BARX2: variants seen among roughly 807,000 people sequenced by gnomAD.
BARX2 encodes homeobox protein BarH-like 2.
BARX2 carries 11 observed loss-of-function variants against 25.5 expected under a neutral mutation model. That is an observed-to-expected ratio of 0.43 (90% CI 0.27 to 0.71). The LOEUF (loss-of-function observed/expected upper bound fraction) is 0.71, where lower values mean the gene tolerates loss of function less well. Ranked by LOEUF, BARX2 falls within the 30% of genes least tolerant of loss-of-function variation. The pLI is 0.19. For synonymous variants in BARX2, 137 were observed against 149.5 expected (o/e 0.92, Z 0.61); for missense variants, 360 against 359.9 (o/e 1.00, Z 0.00).
At chr11:129,419,299 CTTTG>C (rs60019749) in intron 1 of BARX2, among the ~76,000 whole-genome samples, 7,510 of 152,106 alleles carry the variant, frequency 0.049, 569 homozygotes, top group African/African-American at 0.17. Flanking sequence ...ATCTCTTGGC[CTTTG>C]TTTGGAAGTT....
At chr11:129,409,006 T>G (rs951697701) in intron 1 of BARX2, among the ~76,000 whole-genome samples, 32 of 152,152 alleles carry the variant, frequency 2.1e-4, no homozygotes, top group African/African-American at 5.3e-4. Context: ...GGGAGTGATA[T>G]TCACCATCCA....
At chr11:129,400,066 C>T (rs544587673) in intron 1 of BARX2, among the ~76,000 whole-genome samples, 2 of 152,258 alleles carry the variant, frequency 1.3e-5, no homozygotes, top group Admixed American at 6.5e-5. Flanking sequence ...AACCGTAGAC[C>T]TTTAGAGCCA....
chr11:129,413,691 A>T (rs1037890301), intron 1 of BARX2, among the ~76,000 whole-genome samples: 1 of 151,930 alleles, frequency 6.6e-6, no homozygotes, highest in Non-Finnish European at 1.5e-5. Context: ...AGGCGGGTGG[A>T]ACGGAAAATG....
chr11:129,380,621 A>G (rs764404261), intron 1 of BARX2, among the ~76,000 whole-genome samples: 2 of 152,188 alleles, frequency 1.3e-5, no homozygotes, highest in African/African-American at 4.8e-5. Flanking sequence ...CCAGAGGCAC[A>G]TAGGCTTTTA....
At position 129,436,930 on chromosome 11, in the gene BARX2, A is replaced by C. The variant is rs1293664774; in HGVS notation, c.367A>C (p.Thr123Pro). The C allele has an allele frequency of 1.9e-6, 3 of 1,613,716 alleles. No homozygotes were observed. The highest frequency in any genetic ancestry group is 2.5e-6 in the Non-Finnish European group (3 of 1,179,894). Residue 123 changes from threonine to proline, a missense_variant, in exon 2 of 4, where the codon ACG (threonine) becomes CCG (proline). By Grantham distance (38) the Thr-to-Pro change is conservative. Transcript: ENST00000281437. This position sits in a 1 kb window ranked among gnomAD's most constrained non-coding sequence, Gnocchi z 4.5. ...GEALASSESE[T>P]EQPTPRQKKP... is the part of the protein sequence containing the mutation. ...GGCCCTAGCCAGCAGCGAGTCAGAG[A>C]CGGAACAGCCCACGCCCCGACAGAA...
In BARX2 at chr11:129,376,288, C is replaced by T. The variant is rs182931331; in HGVS notation, c.187+66C>T. The T allele has an allele frequency of 7.1e-7, 1 of 1,405,196 alleles. No homozygotes were observed. The highest frequency in any genetic ancestry group is 2.7e-5 in the East Asian group (1 of 37,032). The allele number at this position is 1,405,196 out of a possible 1,614,324, so 87.0% of individuals were successfully genotyped here. A position where few individuals can be genotyped will look rare whatever the true frequency, so the allele number is the denominator to read the frequency against. On this transcript the variant is annotated intron_variant, in intron 1 of 3. Transcript: ENST00000281437. The surrounding 1 kb of genome is among the most constrained non-coding windows in gnomAD (Gnocchi z 4.2). Reference sequence around the variant, plus strand: ...TTCACGTCCGTGTAGGTGGCCTGTGCTTTGCGATCCGAGGGCGAGAGGAAG... The same window carrying T: ...TTCACGTCCGTGTAGGTGGCCTGTGTTTTGCGATCCGAGGGCGAGAGGAAG...
rs544955559 is a variant in BARX2 at position 129,451,001 on chromosome 11, A to T, written c.574-135A>T. ...TGTAGACCAGAGGTGATGGGTTGAGAATATATTTTGCCAAATCCTGCAATT... is the reference window on the plus strand; with the variant it reads ...TGTAGACCAGAGGTGATGGGTTGAGTATATATTTTGCCAAATCCTGCAATT... On this transcript the variant is annotated intron_variant, in intron 3 of 3. Transcript: ENST00000281437. 13 of 1,045,430 alleles carry T rather than the reference A, an allele frequency of 1.2e-5. No individual in the cohort carries two copies. In the South Asian group the frequency reaches 2.1e-4, roughly 17 times the overall value. The allele number at this position is 1,045,430 out of a possible 1,614,324, so 64.8% of individuals were successfully genotyped here. A position where few individuals can be genotyped will look rare whatever the true frequency, so the allele number is the denominator to read the frequency against.
intron 1 of BARX2, among the ~76,000 whole-genome samples, chr11:129,382,548 C>A (rs912331656): frequency 6.6e-6 from 1 of 152,192 alleles, no homozygotes; most frequent in Non-Finnish European, 1.5e-5. Context: ...CCTTGCCACA[C>A]GTCCTGCCCA....
chr11:129,404,093 T>A (rs1193871262), intron 1 of BARX2, among the ~76,000 whole-genome samples: 3 of 152,228 alleles, frequency 2.0e-5, no homozygotes, highest in African/African-American at 7.2e-5. Flanking sequence ...TGTCCTGAAA[T>A]TTTCAACAAG....
At chr11:129,399,501 G>C (rs1555135136) in intron 1 of BARX2, among the ~76,000 whole-genome samples, 1 of 152,138 alleles carries the variant, frequency 6.6e-6, no homozygotes, top group Non-Finnish European at 1.5e-5. Context: ...AGCTAGGATT[G>C]ACACAGGACA....
chr11:129,376,252 G>A lies in BARX2; in HGVS notation c.187+30G>A, dbSNP rs1234779755. On this transcript the variant is annotated intron_variant, in intron 1 of 3. Transcript: ENST00000281437. The surrounding 1 kb of genome is among the most constrained non-coding windows in gnomAD (Gnocchi z 4.2). ...GACGCTCCGCTAGGGGATAAGTGGGGTTCGGTAGCTTTCACGTCCGTGTAG... is the reference window on the plus strand; with the variant it reads ...GACGCTCCGCTAGGGGATAAGTGGGATTCGGTAGCTTTCACGTCCGTGTAG... 1.9e-6 allele frequency: 3 copies of A among 1,571,728 alleles called. No homozygotes were observed. In the Admixed American group the frequency reaches 5.4e-5, roughly 28 times the overall value.
In BARX2 at chr11:129,390,846, T is replaced by A. The variant is rs79376211; in HGVS notation, c.187+14624T>A. The stretch of plus-strand genomic sequence containing the variant: ...TTTCATCATCCTGGGTCACAAAAGA[T>A]CATGACGACTGTATTATAATACAAT... On this transcript the variant is annotated intron_variant, in intron 1 of 3. Transcript: ENST00000281437. The surrounding 1 kb of genome is among the most constrained non-coding windows in gnomAD (Gnocchi z 4.3). Among the ~76,000 whole-genome samples the A allele has an allele frequency of 2.0e-3, 298 of 152,254 alleles. 9 individuals are homozygous for A. In the East Asian group the frequency reaches 0.049, roughly 25 times the overall value.
intron 1 of BARX2, among the ~76,000 whole-genome samples, chr11:129,414,312 T>C (rs555277201): frequency 6.6e-6 from 1 of 152,340 alleles, no homozygotes; most frequent in South Asian, 2.1e-4. Context: ...GTTCTGGATA[T>C]AATTTAGTTT....
chr11:129,436,957 A>G lies in BARX2; in HGVS notation c.394A>G (p.Lys132Glu). The G allele has an allele frequency of 6.2e-7, 1 of 1,611,910 alleles. No homozygotes were observed. Among genetic ancestry groups the G allele is most frequent in the African/African-American group, 1.3e-5 (1 of 75,010 alleles). ...GGAACAGCCCACGCCCCGACAGAAG[A>G]AGCCCCGCCGGAGTCGCACCATCTT... Reference protein sequence around the residue: ...ETEQPTPRQKKPRRSRTIFTE... With the variant: ...ETEQPTPRQKEPRRSRTIFTE... The change falls in exon 2 of 4, where the codon AAG becomes GAG. Residue 132 changes from lysine to glutamate, a missense_variant. Transcript: ENST00000281437. The surrounding 1 kb of genome is among the most constrained non-coding windows in gnomAD (Gnocchi z 4.5).
At chr11:129,413,063 G>T (rs757131804) in intron 1 of BARX2, among the ~76,000 whole-genome samples, 19 of 151,798 alleles carry the variant, frequency 1.3e-4, no homozygotes, top group Non-Finnish European at 2.2e-4. Flanking sequence ...CTAGCTGTAG[G>T]TAGAATTTGA....
At chr11:129,441,362 C>T in intron 2 of BARX2, among the ~76,000 whole-genome samples, 1 of 152,288 alleles carries the variant, frequency 6.6e-6, no homozygotes, top group Non-Finnish European at 1.5e-5. Context: ...CTGGGCAGAG[C>T]CAGACAGTAA....
chr11:129,382,854 G>A (rs1249895136), intron 1 of BARX2, among the ~76,000 whole-genome samples: 2 of 152,112 alleles, frequency 1.3e-5, no homozygotes, highest in East Asian at 3.9e-4. Context: ...TGCTGCAGGT[G>A]GCACCCTCTC....
intron 1 of BARX2, among the ~76,000 whole-genome samples, chr11:129,422,026 T>C (rs778586340): frequency 4.6e-5 from 7 of 152,178 alleles, no homozygotes; most frequent in Admixed American, 2.6e-4. Flanking sequence ...GGCCTATACT[T>C]GGTTAGATCT....
chr11:129,406,870 G>A (rs986354921), intron 1 of BARX2, among the ~76,000 whole-genome samples: 1 of 152,118 alleles, frequency 6.6e-6, no homozygotes, highest in Non-Finnish European at 1.5e-5. Context: ...TGGTTTTATA[G>A]GAATATTTTA....
Sources: allele counts gnomAD v4.1 joint callset (sites outside exome capture counted in the v4.1 genomes callset), GRCh38; gene constraint gnomAD v4.1.1; non-coding constraint Gnocchi (gnomAD v3.1); transcripts MANE v1.5; gene names NCBI Gene and HGNC (gene_info 2026-07-23, HGNC 2026-07-21).